SLC6A20: variants seen among roughly 807,000 people sequenced by gnomAD.
The protein encoded by SLC6A20 is solute carrier family 6 member 20, also known as sodium- and chloride-dependent transporter XTRP3.
In SLC6A20, 73 loss-of-function variants were observed where a neutral mutation model predicts 64.3. The observed-to-expected ratio is 1.14, with a 90% CI of 0.94 to 1.38. SLC6A20 has a LOEUF of 1.38. Among genes scored for constraint, SLC6A20 ranks in the 40% most tolerant of loss-of-function variants. The pLI is 0.00. For missense variants in SLC6A20, 725 were observed against 772.8 expected (o/e 0.94, Z 0.73); for synonymous variants, 347 against 329.6 (o/e 1.05, Z -0.57).
chr3:45,770,286 C>A lies in SLC6A20; in HGVS notation c.1021G>T (p.Ala341Ser). ...SNLEQVKGYL[A>S]SAYPSKYSEM... ...CTGTATTTGCTTGGGTAGGCAGATG[C>A]GAGGTAGCCCTTCACCTGCTCCAGG... Residue 341 changes from alanine (A) to serine (S), a missense_variant, in exon 7 of 11, where the codon GCA becomes TCA. Ala to Ser is a moderately conservative substitution (Grantham distance 99, BLOSUM62 1). Transcript: ENST00000358525. 2 of 1,614,144 alleles carry A rather than the reference C, an allele frequency of 1.2e-6. No homozygotes were observed. Among genetic ancestry groups the A allele is most frequent in the Non-Finnish European group, 1.7e-6 (2 of 1,180,042 alleles).
intron 3 of SLC6A20, 105 bp downstream of exon 3, chr3:45,779,904 G>A (rs1275345922): frequency 1.4e-5 from 17 of 1,229,702 alleles, no homozygotes; most frequent in African/African-American, 7.5e-5. Flanking sequence ...TCCCCGCCCC[G>A]AGGCTGCTCA....
rs1206960177 is a variant in SLC6A20, at chr3:45,765,752, T to G, written c.1099-11A>C. On this transcript the variant is annotated splice_polypyrimidine_tract_variant and intron_variant, in intron 7 of 10. Transcript: ENST00000358525. This position sits in a 1 kb window ranked among gnomAD's most constrained non-coding sequence, Gnocchi z 4.2. ...AGTGCCCTGGACGGCCTGCCCAGGG[T>G]GAGAAGACACCAGTTACATGCAAGA... 1 of 1,614,022 alleles carries G rather than the reference T, an allele frequency of 6.2e-7. No homozygotes were observed. Among genetic ancestry groups the G allele is most frequent in the South Asian group, 1.1e-5 (1 of 91,074 alleles).
In SLC6A20 at chr3:45,771,366, G is replaced by A. The variant is rs144563792; in HGVS notation, c.786C>T (p.Phe262=). The A allele has an allele frequency of 2.8e-3, 4,572 of 1,614,244 alleles. 69 individuals are homozygous for A. The highest frequency in any genetic ancestry group is 0.027 in the Middle Eastern group (166 of 6,062). Residue 262 remains phenylalanine (F), a synonymous_variant, in exon 6 of 11, where the codon TTC becomes TTT. Transcript: ENST00000358525. ...TGTTGGATGGCTCATTGTAGCTGGCGAAGGCGATCAGGCTGCCGAAGCCCA... is the reference window on the plus strand; with the variant it reads ...TGTTGGATGGCTCATTGTAGCTGGCAAAGGCGATCAGGCTGCCGAAGCCCA... The part of the protein sequence containing the change: ...LGLGFGSLIA[F]ASYNEPSNNC...
intron 2 of SLC6A20, among the ~76,000 whole-genome samples, chr3:45,781,502 T>C (rs902096248): frequency 1.3e-5 from 2 of 152,168 alleles, no homozygotes; most frequent in Admixed American, 1.3e-4. Flanking sequence ...GTGGAGGTTG[T>C]CCTGGAAGTG....
At chr3:45,772,232 G>A in intron 5 of SLC6A20, 1 of 385,256 alleles carries the variant, frequency 2.6e-6, no homozygotes, top group Non-Finnish European at 4.7e-6. Flanking sequence ...GCAGTGGCAG[G>A]GGTGCAGCAG....
chr3:45,786,313 G>C (rs1471657498), intron 1 of SLC6A20, among the ~76,000 whole-genome samples: 3 of 152,146 alleles, frequency 2.0e-5, no homozygotes, highest in Non-Finnish European at 4.4e-5. Context: ...CCAGACTCTA[G>C]CTCACAAGCC....
rs896763482 is a variant in SLC6A20 at position 45,759,911 on chromosome 3, C to T, written c.1575G>A (p.Leu525=). The change falls in exon 10 of 11, where the codon CTG becomes CTA. Residue 525 remains leucine (L), a synonymous_variant. Transcript: ENST00000358525. ...GGGTCCCCGTGAGGATGTAGTCGCT[C>T]AGGTAGAAGACAAAGAGGCTGACAA... is the stretch of plus-strand genomic sequence containing the variant. ...LLIVSLFVFY[L]SDYILTGTLK... 5.6e-6 allele frequency: 9 copies of T among 1,614,024 alleles called. No homozygotes were observed. In the African/African-American group the frequency reaches 9.3e-5, roughly 17 times the overall value.
chr3:45,764,533 T>C (rs1699740346), intron 8 of SLC6A20, among the ~76,000 whole-genome samples: 1 of 151,982 alleles, frequency 6.6e-6, no homozygotes, highest in African/African-American at 2.4e-5. Context: ...GGAAACCCCA[T>C]CTTTACTAAA....
At chr3:45,795,675 G>C (rs1559575086) in intron 1 of SLC6A20, among the ~76,000 whole-genome samples, 2 of 152,242 alleles carry the variant, frequency 1.3e-5, no homozygotes, top group South Asian at 4.1e-4. Context: ...AGTGCGGTAA[G>C]AGCGCGTGGC....
At chr3:45,770,078 T>C (rs1256884757) in intron 7 of SLC6A20, 131 bp downstream of exon 7, 24 of 1,203,898 alleles carry the variant, frequency 2.0e-5, no homozygotes, top group Non-Finnish European at 2.7e-5. Context: ...CCCCTTGGAG[T>C]TGCAGGAAAA....
chr3:45,780,150 C>T, intron 2 of SLC6A20, 50 bp from the exon 3 acceptor site: 1 of 1,530,286 alleles, frequency 6.5e-7, no homozygotes, highest in Non-Finnish European at 8.9e-7. Context: ...GCCCTTCCCC[C>T]TCCGCCAGGC....
Position 45,758,830 on chromosome 3 carries a change from TCTTCCTGCACAC to T in SLC6A20, c.*136_*147del. On this transcript the variant is annotated 3_prime_UTR_variant, in exon 11 of 11. Coordinates refer to ENST00000358525, the MANE Select transcript of SLC6A20 (RefSeq NM_020208.4). ...GGTGTGCGTTCTCCCAAGGGAGTTTTCTTCCTGCACACCTTCCTCATCTTCTTTAGACACTCA... is the reference window on the plus strand; with the variant it reads ...GGTGTGCGTTCTCCCAAGGGAGTTTTCTTCCTCATCTTCTTTAGACACTCA... The T allele has an allele frequency of 1.5e-6, 2 of 1,365,278 alleles. No individual in the cohort carries two copies. Among genetic ancestry groups the T allele is most frequent in the South Asian group, 4.2e-5 (2 of 47,078 alleles). The allele number at this position is 1,365,278 out of a possible 1,614,324, so 84.6% of individuals were successfully genotyped here.
rs1699595536 is a variant in SLC6A20 at position 45,758,838 on chromosome 3, C to A, written c.*140G>T. 1 of 1,371,172 alleles carries A rather than the reference C, an allele frequency of 7.3e-7. No individual in the cohort carries two copies. The highest frequency in any genetic ancestry group is 9.4e-7 in the Non-Finnish European group (1 of 1,058,980). The allele number at this position is 1,371,172 out of a possible 1,614,324, so 84.9% of individuals were successfully genotyped here. ...TTCTCCCAAGGGAGTTTTCTTCCTG[C>A]ACACCTTCCTCATCTTCTTTAGACA... On this transcript the variant is annotated 3_prime_UTR_variant, in exon 11 of 11. Transcript: ENST00000358525.
intron 1 of SLC6A20, among the ~76,000 whole-genome samples, chr3:45,791,397 T>C (rs779655909): frequency 3.3e-5 from 5 of 152,192 alleles, no homozygotes; most frequent in Non-Finnish European, 5.9e-5. Context: ...GCATCAGTAT[T>C]TTTTAAAGCT....
At position 45,776,728 on chromosome 3, in the gene SLC6A20, A is replaced by T. The variant is rs9855908; in HGVS notation, c.355-740T>A. On this transcript the variant is annotated intron_variant, in intron 3 of 10. Coordinates refer to ENST00000358525, the MANE Select transcript of SLC6A20 (RefSeq NM_020208.4). The stretch of plus-strand genomic sequence containing the variant: ...TGAGACTTACGCATCTCAGGACTTG[A>T]GGAAATCAGCAAAGACCACCCAAGT... Among the ~76,000 whole-genome samples the T allele has an allele frequency of 5.5e-3, 842 of 152,290 alleles. 25 individuals are homozygous for T. Among genetic ancestry groups the T allele is most frequent in the Admixed American group, 0.037 (559 of 15,302 alleles).
chr3:45,782,903 CA>C (rs992822137), intron 1 of SLC6A20, among the ~76,000 whole-genome samples: 6 of 152,358 alleles, frequency 3.9e-5, no homozygotes, highest in Admixed American at 3.3e-4. Context: ...GCCCTTCTGC[CA>C]AACCCCACAT....
chr3:45,794,824 A>C (rs926880599), intron 1 of SLC6A20, among the ~76,000 whole-genome samples: 2 of 152,236 alleles, frequency 1.3e-5, no homozygotes, highest in African/African-American at 2.4e-5. Context: ...TTTAAGAGTC[A>C]GTTATAGAGC....
At chr3:45,773,218 G>A (rs567411773) in intron 4 of SLC6A20, among the ~76,000 whole-genome samples, 1 of 152,328 alleles carries the variant, frequency 6.6e-6, no homozygotes, top group South Asian at 2.1e-4. Context: ...TGCTCATACA[G>A]GAAAGCAGCG....
intron 9 of SLC6A20, 108 bp downstream of exon 9, chr3:45,762,805 T>A: frequency 1.4e-6 from 2 of 1,440,480 alleles, no homozygotes; most frequent in Non-Finnish European, 1.9e-6. Context: ...GATGCGAAGC[T>A]TAAAGAAGAG....
Sources: allele counts gnomAD v4.1 joint callset (sites outside exome capture counted in the v4.1 genomes callset), GRCh38; gene constraint gnomAD v4.1.1; non-coding constraint Gnocchi (gnomAD v3.1); transcripts MANE v1.5; gene names NCBI Gene and HGNC (gene_info 2026-07-23, HGNC 2026-07-21).